Variants in FGG observed in about 807,000 individuals in gnomAD.
The protein encoded by FGG is fibrinogen, gamma polypeptide.
Under a neutral mutation model 51.7 loss-of-function variants are expected in FGG, and 20 were observed. The ratio of observed to expected loss-of-function variants is 0.39; its 90% CI spans 0.27 to 0.56. The LOEUF (loss-of-function observed/expected upper bound fraction) is 0.56, where lower values mean the gene tolerates loss of function less well. Ranked by LOEUF, FGG falls within the 20% of genes least tolerant of loss-of-function variation. The pLI, the probability that FGG is intolerant of heterozygous loss-of-function variation, is 0.64. For missense variants in FGG, 460 were observed against 534.2 expected (o/e 0.86, Z 1.37); for synonymous variants, 184 against 184.7 (o/e 1.00, Z 0.03).
At position 154,607,000 on chromosome 4, in the gene FGG, C is replaced by T. The variant is rs746701867; in HGVS notation, c.852-18G>A. On this transcript the variant is annotated intron_variant, in intron 7 of 8. Transcript: ENST00000336098. ...CTGCAGTACTGAGAAGAAGGAAATA[C>T]AACCATCACATGCTGACCCTCCTCA... is the stretch of plus-strand genomic sequence containing the variant. 1.3e-6 allele frequency: 2 copies of T among 1,559,664 alleles called. No individual in the cohort carries two copies. Among genetic ancestry groups the T allele is most frequent in the Non-Finnish European group, 1.7e-6 (2 of 1,151,480 alleles).
chr4:154,611,482 A>T (rs999957551), intron 4 of FGG: 2 of 179,540 alleles, frequency 1.1e-5, no homozygotes, highest in African/African-American at 4.7e-5. Context: ...TATTTTCAAC[A>T]CCCAAATTCC....
chr4:154,604,523 A>G lies in FGG; in HGVS notation c.*311T>C, dbSNP rs1056687898. The G allele has an allele frequency of 6.3e-5, 69 of 1,101,156 alleles. No homozygotes were observed. Among genetic ancestry groups the G allele is most frequent in the Admixed American group, 1.8e-4 (5 of 28,052 alleles). The allele number at this position is 1,101,156 out of a possible 1,614,324, so 68.2% of individuals were successfully genotyped here. On this transcript the variant is annotated 3_prime_UTR_variant, in exon 9 of 9. Coordinates refer to ENST00000336098, the MANE Select transcript of FGG (RefSeq NM_021870.3). ...TATTAAGTACATACTAAAATATTTGATATAATGAAAATAATTTACGAAGAC... is the reference window on the plus strand; with the variant it reads ...TATTAAGTACATACTAAAATATTTGGTATAATGAAAATAATTTACGAAGAC...
At chr4:154,609,511 C>T (rs1274824707) in intron 6 of FGG, 119 bp downstream of exon 6, 3 of 1,234,250 alleles carry the variant, frequency 2.4e-6, no homozygotes, top group Non-Finnish European at 3.5e-6. Flanking sequence ...GTACCTTCCT[C>T]TTAGGGCTAT....
At chr4:154,611,718 A>T (rs1438254376) in intron 4 of FGG, 87 bp downstream of exon 4, 7 of 874,892 alleles carry the variant, frequency 8.0e-6, no homozygotes, top group Non-Finnish European at 1.3e-5. Context: ...TGGGGAAAAC[A>T]CATTAAAAAT....
Position 154,612,001 on chromosome 4 carries a change from A to G in FGG, c.307+17T>C. The G allele has an allele frequency of 6.2e-7, 1 of 1,611,984 alleles. No individual in the cohort carries two copies. The highest frequency in any genetic ancestry group is 8.5e-7 in the Non-Finnish European group (1 of 1,179,108). On this transcript the variant is annotated intron_variant, in intron 3 of 8. Transcript: ENST00000336098. ...TTATTATTATTATTTTTTGGTCAGT[A>G]GTCTTTATTTTCTCACTTGGTTTTG...
intron 5 of FGG, 147 bp from the exon 6 acceptor site, chr4:154,609,910 T>G (rs1308607110): frequency 1.9e-5 from 28 of 1,478,812 alleles, no homozygotes; most frequent in Non-Finnish European, 2.0e-5. Context: ...TTTTAAACTG[T>G]TTTTTTTAGC....
At position 154,612,018 on chromosome 4, in the gene FGG, T is replaced by C. The variant is rs746529955; in HGVS notation, c.307A>G (p.Asn103Asp). ...TYNPDESSKP[N>D]MIDAATLKSR... The stretch of plus-strand genomic sequence containing the variant: ...TGGTCAGTAGTCTTTATTTTCTCAC[T>C]TGGTTTTGATGATTCATCAGGATTA... The change falls in exon 3 of 9, where the codon AAT (asparagine) becomes GAT (aspartate). Residue 103 changes from asparagine (N) to aspartate (D), a missense_variant and splice_region_variant. Asn to Asp is a conservative substitution (Grantham distance 23). Transcript: ENST00000336098. 8.7e-6 allele frequency: 14 copies of C among 1,612,788 alleles called. No homozygotes were observed. The highest frequency in any genetic ancestry group is 1.7e-4 in the Middle Eastern group (1 of 6,014).
rs1264770136 is a variant in FGG at position 154,611,907 on chromosome 4, T to C, written c.308-9A>G. ...AGCAGCGTCTATCATATCTGTAATATAGGATCAGAGACATAAAAATCCTTA... is the reference window on the plus strand; with the variant it reads ...AGCAGCGTCTATCATATCTGTAATACAGGATCAGAGACATAAAAATCCTTA... On this transcript the variant is annotated splice_polypyrimidine_tract_variant and intron_variant, in intron 3 of 8. Coordinates refer to ENST00000336098, the MANE Select transcript of FGG (RefSeq NM_021870.3). The C allele has an allele frequency of 4.4e-6, 7 of 1,607,854 alleles. No individual in the cohort carries two copies. The highest frequency in any genetic ancestry group is 6.0e-6 in the Non-Finnish European group (7 of 1,175,524).
chr4:154,610,626 C>G (rs1731194304), intron 4 of FGG, among the ~76,000 whole-genome samples: 1 of 152,124 alleles, frequency 6.6e-6, no homozygotes, highest in Non-Finnish European at 1.5e-5. Context: ...GCTTTAGAAG[C>G]AGGAAAAGCT....
At chr4:154,611,946 A>G (rs377058985) in intron 3 of FGG, 48 bp from the exon 4 acceptor site, 3 of 1,603,988 alleles carry the variant, frequency 1.9e-6, no homozygotes, top group Non-Finnish European at 2.6e-6. Flanking sequence ...AAATAGAACA[A>G]CTAAAACAAC....
intron 4 of FGG, among the ~76,000 whole-genome samples, chr4:154,610,635 C>T (rs182450897): frequency 1.6e-4 from 24 of 152,284 alleles, no homozygotes; most frequent in Admixed American, 1.2e-3. Context: ...GCAGGAAAAG[C>T]TCAGTTCAGT....
In FGG at chr4:154,612,424, G is replaced by T. The variant is rs1320084671; in HGVS notation, c.90C>A (p.Thr30=). ...CATCTAAGATGCAGCAGTTGTCTCT[G>T]GTAGCAACATACTAAAAGAGAAAAA... ...LSSTCVAYVA[T]RDNCCILDER... Residue 30 remains threonine (T), a synonymous_variant, in exon 2 of 9, where the codon ACC becomes ACA. Transcript: ENST00000336098. 13 of 1,613,602 alleles carry T rather than the reference G, an allele frequency of 8.1e-6. No homozygotes were observed. Among genetic ancestry groups the T allele is most frequent in the Non-Finnish European group, 1.1e-5 (13 of 1,179,884 alleles).
At position 154,606,689 on chromosome 4, in the gene FGG, A is replaced by C. The variant is rs1731102469; in HGVS notation, c.1129+16T>G. The C allele has an allele frequency of 1.2e-6, 2 of 1,613,520 alleles. No individual in the cohort carries two copies. Among genetic ancestry groups the C allele is most frequent in the African/African-American group, 2.7e-5 (2 of 74,912 alleles). Reference sequence around the variant, plus strand: ...ACACTATACATTAACTTGGAATCTAAGAAAGGAAAACATACCTTGGTAATA... The same window carrying C: ...ACACTATACATTAACTTGGAATCTACGAAAGGAAAACATACCTTGGTAATA... On this transcript the variant is annotated intron_variant, in intron 8 of 8. Coordinates refer to ENST00000336098, the MANE Select transcript of FGG (RefSeq NM_021870.3).
Position 154,604,868 on chromosome 4 carries a change from T to C in FGG, c.1328A>G (p.Glu443Gly). ...ATCCTCAGGGTAAAGTGAGTCATATTCTGTTTCCGCAGGGTGCTCTGGTCT... is the reference window on the plus strand; with the variant it reads ...ATCCTCAGGGTAAAGTGAGTCATATCCTGTTTCCGCAGGGTGCTCTGGTCT... ...QVRPEHPAET[E>G]YDSLYPEDDL The change falls in exon 9 of 9, where the codon GAA becomes GGA. Residue 443 changes from glutamate to glycine, a missense_variant. Glu to Gly is a moderately conservative substitution (Grantham distance 98). Around this residue, in one of 3 missense-constraint regions of FGG, gnomAD observed 92 missense variants for 93.7 expected, o/e 0.98. Coordinates refer to ENST00000336098, the MANE Select transcript of FGG (RefSeq NM_021870.3). 6.2e-7 allele frequency: 1 copy of C among 1,614,110 alleles called. No individual in the cohort carries two copies.
At position 154,612,598 on chromosome 4, in the gene FGG, G is replaced by A. The variant is rs1365225906; in HGVS notation, c.12C>T (p.Ser4=). Reference sequence around the variant, plus strand: ...AGAGAATTAAATTCCGGGGGTGCAAGGACCAACTCATGATGTCTGAGTGCC... The same window carrying A: ...AGAGAATTAAATTCCGGGGGTGCAAAGACCAACTCATGATGTCTGAGTGCC... MSW[S]LHPRNLILYF... is the part of the protein sequence containing the mutation. The change falls in exon 1 of 9, where the codon TCC becomes TCT. Residue 4 remains serine (S), a synonymous_variant. Transcript: ENST00000336098. 6.2e-7 allele frequency: 1 copy of A among 1,613,802 alleles called. No individual in the cohort carries two copies. The highest frequency in any genetic ancestry group is 1.1e-5 in the South Asian group (1 of 91,082).
intron 4 of FGG, 190 bp downstream of exon 4, chr4:154,611,615 A>C: frequency 3.9e-6 from 2 of 507,320 alleles, no homozygotes; most frequent in Non-Finnish European, 3.5e-6. Flanking sequence ...ATTAATAAGC[A>C]ATTATAACCC....
chr4:154,609,845 T>C (rs1352601633), intron 5 of FGG, 82 bp from the exon 6 acceptor site: 132 of 1,587,428 alleles, frequency 8.3e-5, no homozygotes, highest in Non-Finnish European at 1.1e-4. Context: ...TTTTAACATG[T>C]AGTAAACTAT....
intron 7 of FGG, among the ~76,000 whole-genome samples, chr4:154,607,559 A>G (rs566861009): frequency 5.3e-4 from 80 of 152,324 alleles, no homozygotes; most frequent in Middle Eastern, 3.4e-3. Flanking sequence ...TGTGAGCTGA[A>G]GGAGTTAGAG....
At chr4:154,606,167 T>G (rs1213561822) in intron 8 of FGG, among the ~76,000 whole-genome samples, 1 of 152,068 alleles carries the variant, frequency 6.6e-6, no homozygotes, top group Non-Finnish European at 1.5e-5. Context: ...TCCAAGCTTA[T>G]AGCAAACTAT....
Sources: allele counts gnomAD v4.1 joint callset (sites outside exome capture counted in the v4.1 genomes callset), GRCh38; gene constraint gnomAD v4.1.1; regional missense constraint gnomAD v4.1.1; transcripts MANE v1.5; gene names NCBI Gene and HGNC (gene_info 2026-07-23, HGNC 2026-07-21).